SRRM4: variants seen among roughly 807,000 people sequenced by gnomAD.
SRRM4 encodes the protein serine/arginine repetitive matrix 4.
A neutral mutation model predicts 68.9 loss-of-function variants in SRRM4; 33 were observed. That is an observed-to-expected ratio of 0.48 (90% CI 0.36 to 0.64). The LOEUF is 0.64. Among genes scored for constraint, SRRM4 ranks in the 30% least tolerant of loss-of-function variants. SRRM4 has a pLI of 0.00. For missense variants in SRRM4, 817 were observed against 827.1 expected, an observed-to-expected ratio of 0.99 and a Z score of 0.15; for synonymous variants, 318 against 318.8, an observed-to-expected ratio of 1.00 and a Z score of 0.03.
chr12:119,042,264 G>C (rs1394316077), intron 1 of SRRM4, among the ~76,000 whole-genome samples: 1 of 151,814 alleles, frequency 6.6e-6, no homozygotes, highest in Non-Finnish European at 1.5e-5. Context: ...GGGCTAAAGA[G>C]AGCTGCAAGC....
intron 6 of SRRM4, among the ~76,000 whole-genome samples, chr12:119,122,800 G>A (rs1330301414): frequency 6.6e-6 from 1 of 152,144 alleles, no homozygotes; most frequent in African/African-American, 2.4e-5. Context: ...GGTGGTCATG[G>A]GGGTGTGAGC....
chr12:119,122,129 A>C lies in SRRM4; in HGVS notation c.515+9A>C. 6.3e-7 allele frequency: 1 copy of C among 1,597,478 alleles called. No homozygotes were observed. Among genetic ancestry groups the C allele is most frequent in the South Asian group, 1.1e-5 (1 of 90,772 alleles). On this transcript the variant is annotated intron_variant, in intron 6 of 12. Coordinates refer to ENST00000267260, the MANE Select transcript of SRRM4 (RefSeq NM_194286.4). ...AAGAGGCACAAGAAACAGTAAGTAGATACTACCTGGAATGTACTCATCAGT... is the reference window on the plus strand; with the variant it reads ...AAGAGGCACAAGAAACAGTAAGTAGCTACTACCTGGAATGTACTCATCAGT...
At chr12:119,096,861 A>C (rs1361126301) in intron 1 of SRRM4, among the ~76,000 whole-genome samples, 2 of 152,350 alleles carry the variant, frequency 1.3e-5, no homozygotes, top group East Asian at 3.9e-4. Context: ...GATGGGAAGC[A>C]GGGAAGCAGC....
At chr12:119,008,005 G>A (rs1427103002) in intron 1 of SRRM4, among the ~76,000 whole-genome samples, 5 of 152,166 alleles carry the variant, frequency 3.3e-5, no homozygotes, top group African/African-American at 7.2e-5. Flanking sequence ...AGGCCATTAA[G>A]GGGATTTGTT....
intron 1 of SRRM4, among the ~76,000 whole-genome samples, chr12:119,007,809 C>T (rs1187900513): frequency 6.6e-6 from 1 of 152,184 alleles, no homozygotes. Flanking sequence ...CAATCCCACT[C>T]CAAGAGGGGC....
chr12:119,085,337 G>A (rs993297784), intron 1 of SRRM4, among the ~76,000 whole-genome samples: 4 of 152,178 alleles, frequency 2.6e-5, no homozygotes, highest in African/African-American at 9.7e-5. Context: ...TCTTACATAC[G>A]ATGACCTGAA....
chr12:119,083,090 T>A (rs1953958679), intron 1 of SRRM4, among the ~76,000 whole-genome samples: 1 of 151,984 alleles, frequency 6.6e-6, no homozygotes, highest in African/African-American at 2.4e-5. Context: ...GCAGTTGATC[T>A]TTTTTCTGGA....
chr12:119,042,918 T>C (rs972849136), intron 1 of SRRM4, among the ~76,000 whole-genome samples: 1 of 151,988 alleles, frequency 6.6e-6, no homozygotes, highest in Non-Finnish European at 1.5e-5. Context: ...TGCGGAGAAA[T>C]AGAAATGCTT....
intron 1 of SRRM4, among the ~76,000 whole-genome samples, chr12:119,050,799 C>T (rs1437788846): frequency 6.6e-6 from 1 of 152,074 alleles, no homozygotes; most frequent in Non-Finnish European, 1.5e-5. Context: ...AATATGGTAG[C>T]CACTAGCCAT....
intron 1 of SRRM4, among the ~76,000 whole-genome samples, chr12:118,983,701 T>C (rs1289340540): frequency 6.6e-6 from 1 of 152,116 alleles, no homozygotes; most frequent in Non-Finnish European, 1.5e-5. Flanking sequence ...TTCTTGGTGG[T>C]GTTTTGATTC....
intron 1 of SRRM4, among the ~76,000 whole-genome samples, chr12:119,076,943 A>G (rs1953920201): frequency 2.0e-5 from 2 of 99,632 alleles, no homozygotes; most frequent in Non-Finnish European, 5.1e-5. Context: ...GGGCTCCTAA[A>G]TTTAAAGGGG....
rs546698249 is a variant in SRRM4 at position 119,094,099 on chromosome 12, A to G, written c.132-8137A>G. ...GAGAACCAAGCAATTATTGATATAT[A>G]AGAGTGTTTACCACACACTCATAAG... is the stretch of plus-strand genomic sequence containing the variant. On this transcript the variant is annotated intron_variant, in intron 1 of 12. Transcript: ENST00000267260. 3.3e-5 allele frequency among the ~76,000 whole-genome samples: 5 copies of G among 152,274 alleles called. No individual in the cohort carries two copies. In the South Asian group the frequency reaches 1.0e-3, roughly 32 times the overall value.
intron 1 of SRRM4, among the ~76,000 whole-genome samples, chr12:118,982,673 TTTTTTG>T (rs1221899309): frequency 9.3e-4 from 73 of 78,202 alleles, no homozygotes; most frequent in African/African-American, 3.7e-3. Flanking sequence ...TATTTTGTTT[TTTTTTG>T]TTTTTTTTTT....
intron 1 of SRRM4, chr12:119,036,673 T>A (rs191801840): frequency 4.6e-5 from 7 of 152,236 alleles, no homozygotes; most frequent in African/African-American, 9.6e-5. Context: ...AGATTTCAAA[T>A]AATGTCCCAG....
chr12:119,107,366 A>G (rs527785293), intron 2 of SRRM4, among the ~76,000 whole-genome samples: 1 of 152,038 alleles, frequency 6.6e-6, no homozygotes, highest in Admixed American at 6.6e-5. Context: ...CTCTTTTTCT[A>G]TTGATTGGAA....
chr12:119,030,115 A>T (rs1197402309), intron 1 of SRRM4, among the ~76,000 whole-genome samples: 1 of 152,222 alleles, frequency 6.6e-6, no homozygotes, highest in Non-Finnish European at 1.5e-5. Context: ...CTGAAATGCG[A>T]GAGAAAAATG....
chr12:119,147,963 T>C (rs1475783669), intron 9 of SRRM4, among the ~76,000 whole-genome samples: 17 of 152,228 alleles, frequency 1.1e-4, no homozygotes. Context: ...AAGTCCTCTC[T>C]GCCAGACACT....
intron 9 of SRRM4, among the ~76,000 whole-genome samples, chr12:119,148,489 T>C (rs1216624403): frequency 6.6e-6 from 1 of 152,180 alleles, no homozygotes; most frequent in Non-Finnish European, 1.5e-5. Flanking sequence ...ACAACAACAA[T>C]AATAACGGCA....
intron 1 of SRRM4, among the ~76,000 whole-genome samples, chr12:119,055,319 C>T (rs1953769669): frequency 6.6e-6 from 1 of 152,210 alleles, no homozygotes; most frequent in South Asian, 2.1e-4. Flanking sequence ...CAGTAACTCC[C>T]TCCCCACATG....
Sources: allele counts gnomAD v4.1 joint callset (sites outside exome capture counted in the v4.1 genomes callset), GRCh38; gene constraint gnomAD v4.1.1; transcripts MANE v1.5; gene names NCBI Gene and HGNC (gene_info 2026-07-23, HGNC 2026-07-21).